Variants in GUCA1C observed in about 807,000 individuals in gnomAD.
The protein encoded by GUCA1C is guanylate cyclase activator 1C, also known as guanylyl cyclase-activating protein 3.
A neutral mutation model predicts 16.2 loss-of-function variants in GUCA1C; 15 were observed. The observed-to-expected ratio is 0.93, with a 90% confidence interval of 0.62 to 1.43. The LOEUF (loss-of-function observed/expected upper bound fraction) is 1.43. Among genes scored for constraint, GUCA1C ranks in the 40% most tolerant of loss-of-function variants. GUCA1C has a pLI of 0.00. For missense variants in GUCA1C, 275 were observed against 244.8 expected (o/e 1.12, Z -0.82); for synonymous variants, 78 against 85.4 (o/e 0.91, Z 0.48).
rs569245636 is a variant in GUCA1C, at chr3:108,937,854, T to G, written c.204+15705A>C. Among the ~76,000 whole-genome samples, 9 of 152,216 alleles carry G rather than the reference T, an allele frequency of 5.9e-5. No individual in the cohort carries two copies. The South Asian group carries it at 1.9e-3, about 32-fold the overall frequency. On this transcript the variant is annotated intron_variant, in intron 1 of 3. Coordinates refer to ENST00000261047, the MANE Select transcript of GUCA1C (RefSeq NM_005459.4). ...TTGGGAGGCCGAGGAGGGTGGATCATGAGGTCAGGAGTTCAAGACCAGCCT... is the reference window on the plus strand; with the variant it reads ...TTGGGAGGCCGAGGAGGGTGGATCAGGAGGTCAGGAGTTCAAGACCAGCCT...
chr3:108,951,076 T>A (rs1240806558), intron 1 of GUCA1C, among the ~76,000 whole-genome samples: 1 of 152,070 alleles, frequency 6.6e-6, no homozygotes, highest in East Asian at 1.9e-4. Context: ...TTGCATGATC[T>A]CATTTACATG....
chr3:108,953,883 C>T, upstream of GUCA1C: 2 of 657,108 alleles, frequency 3.0e-6, no homozygotes, highest in South Asian at 1.8e-5. Context: ...CTACTCTAAA[C>T]CTCTTACAGC....
chr3:108,950,883 C>T (rs1946890066), intron 1 of GUCA1C, among the ~76,000 whole-genome samples: 1 of 152,100 alleles, frequency 6.6e-6, no homozygotes, highest in South Asian at 2.1e-4. Flanking sequence ...TAGGAAACAG[C>T]TCCAGAAACT....
At position 108,913,737 on chromosome 3, in the gene GUCA1C, T is replaced by C. The variant is rs561381198; in HGVS notation, c.442+2390A>G. 2.0e-5 allele frequency among the ~76,000 whole-genome samples: 3 copies of C among 152,252 alleles called. No homozygotes were observed. In the South Asian group the frequency reaches 6.2e-4, roughly 32 times the overall value. ...ATTCATAGGTACTCCAAAGTGTATA[T>C]AGATGTGGATGTGCGTATATTTTTT... On this transcript the variant is annotated intron_variant, in intron 3 of 3. Transcript: ENST00000261047.
chr3:108,927,558 C>T (rs887405346), intron 1 of GUCA1C, among the ~76,000 whole-genome samples: 8 of 150,692 alleles, frequency 5.3e-5, no homozygotes, highest in South Asian at 2.1e-4. Flanking sequence ...TTGCATTTCT[C>T]TAACTGGGTC....
intron 1 of GUCA1C, among the ~76,000 whole-genome samples, chr3:108,933,323 T>C (rs747018160): frequency 7.2e-5 from 11 of 152,152 alleles, no homozygotes; most frequent in Non-Finnish European, 1.5e-4. Context: ...AGCATGCATA[T>C]AAAATATAAA....
intron 1 of GUCA1C, among the ~76,000 whole-genome samples, chr3:108,941,705 TG>T (rs1485322400): frequency 1.3e-5 from 2 of 152,208 alleles, no homozygotes; most frequent in African/African-American, 4.8e-5. Flanking sequence ...GGTGTGGCCC[TG>T]AGGGCCATTT....
At position 108,927,430 on chromosome 3, in the gene GUCA1C, T is replaced by C. The variant is rs1946632698; in HGVS notation, c.205-6845A>G. On this transcript the variant is annotated intron_variant, in intron 1 of 3. Coordinates refer to ENST00000261047, the MANE Select transcript of GUCA1C (RefSeq NM_005459.4). ...TGGAGGTTCTGTTCATTTTTTTTAATTCTTTTTTTTTTTTTTTTGTCTCTG... is the reference window on the plus strand; with the variant it reads ...TGGAGGTTCTGTTCATTTTTTTTAACTCTTTTTTTTTTTTTTTTGTCTCTG... Among the ~76,000 whole-genome samples, 4 of 135,336 alleles carry C rather than the reference T, an allele frequency of 3.0e-5. 1 individual carries two copies. In the South Asian group the frequency reaches 9.4e-4, roughly 32 times the overall value. The allele number at this position is 135,336 out of a possible 152,430, so 88.8% of individuals were successfully genotyped here.
At chr3:108,950,947 A>C (rs893320265) in intron 1 of GUCA1C, among the ~76,000 whole-genome samples, 1 of 152,242 alleles carries the variant, frequency 6.6e-6, no homozygotes, top group South Asian at 2.1e-4. Flanking sequence ...ACTGCTGTTC[A>C]TAATAATGAC....
Position 108,953,849 on chromosome 3 carries a change from A to C in GUCA1C, c.-87T>G. 2.4e-6 allele frequency: 2 copies of C among 847,576 alleles called. No homozygotes were observed. Among genetic ancestry groups the C allele is most frequent in the Non-Finnish European group, 4.0e-6 (2 of 500,084 alleles). The allele number at this position is 847,576 out of a possible 1,614,324, so 52.5% of individuals were successfully genotyped here. A position where few individuals can be genotyped will look rare whatever the true frequency, so the allele number is the denominator to read the frequency against. ...GTCCCTTACTCCTCACTAAAACTGA[A>C]GGCTAACATATGCCCTCAGAAAGCT... On this transcript the variant is annotated 5_prime_UTR_variant, in exon 1 of 4. Coordinates refer to ENST00000261047, the MANE Select transcript of GUCA1C (RefSeq NM_005459.4).
intron 3 of GUCA1C, among the ~76,000 whole-genome samples, chr3:108,915,197 C>G (rs568711622): frequency 1.4e-3 from 212 of 152,316 alleles, no homozygotes; most frequent in Non-Finnish European, 2.2e-3. Context: ...AACATGGGAA[C>G]ATGTGTCTCT....
chr3:108,910,423 G>T (rs530545513), intron 3 of GUCA1C, among the ~76,000 whole-genome samples: 2 of 151,430 alleles, frequency 1.3e-5, no homozygotes, highest in Admixed American at 1.3e-4. Flanking sequence ...GCGTGAACCC[G>T]GGAGGCGGAG....
intron 1 of GUCA1C, among the ~76,000 whole-genome samples, chr3:108,939,310 T>G (rs1196975178): frequency 5.6e-5 from 8 of 142,940 alleles, no homozygotes; most frequent in Non-Finnish European, 1.2e-4. Flanking sequence ...GTTAATATAT[T>G]ACTTGCTTCA....
In GUCA1C at chr3:108,916,145, T is replaced by G; in HGVS notation, c.424A>C (p.Ile142Leu). Residue 142 changes from isoleucine (I) to leucine (L), a missense_variant, in exon 3 of 4, where the codon ATC (isoleucine) becomes CTC (leucine). By Grantham distance (5) the Ile-to-Leu change is conservative. Transcript: ENST00000261047. ...EEFINLVFHK[I>L]DINNDGELTL... ...CCATTACCATCATTGTTTATATCGA[T>G]CTTATGGAACACCAAGTTGATGAAT... is the stretch of plus-strand genomic sequence containing the variant. 6.2e-7 allele frequency: 1 copy of G among 1,612,722 alleles called. No homozygotes were observed. Among genetic ancestry groups the G allele is most frequent in the Non-Finnish European group, 8.5e-7 (1 of 1,178,790 alleles).
intron 1 of GUCA1C, among the ~76,000 whole-genome samples, chr3:108,938,354 G>A (rs1421936227): frequency 2.0e-5 from 3 of 152,134 alleles, no homozygotes; most frequent in Admixed American, 6.5e-5. Context: ...ACCAGCTGTG[G>A]TGAGTTGGTA....
At chr3:108,911,824 G>A (rs1946457205) in intron 3 of GUCA1C, among the ~76,000 whole-genome samples, 1 of 151,892 alleles carries the variant, frequency 6.6e-6, no homozygotes, top group Admixed American at 6.6e-5. Flanking sequence ...CACCCTTTTT[G>A]GCCGGGCATG....
At chr3:108,914,884 T>C (rs952886272) in intron 3 of GUCA1C, among the ~76,000 whole-genome samples, 3 of 152,176 alleles carry the variant, frequency 2.0e-5, no homozygotes, top group Non-Finnish European at 4.4e-5. Flanking sequence ...CTACTCTGGG[T>C]AGTCTGACTC....
intron 1 of GUCA1C, among the ~76,000 whole-genome samples, chr3:108,944,360 AC>A (rs35902221): frequency 0.037 from 5,590 of 152,232 alleles, 205 homozygotes; most frequent in Middle Eastern, 0.12. Context: ...GGAGTGGCCA[AC>A]CCAGAGATTT....
At chr3:108,910,370 C>A (rs139811969) in intron 3 of GUCA1C, among the ~76,000 whole-genome samples, 1 of 151,786 alleles carries the variant, frequency 6.6e-6, no homozygotes, top group Non-Finnish European at 1.5e-5. Context: ...TGGTGGAGGG[C>A]GCCTGTAGTC....
Sources: gnomAD v4.1 joint callset for allele counts (sites outside exome capture counted in the v4.1 genomes callset) on GRCh38, gnomAD v4.1.1 for gene constraint, MANE v1.5 for transcripts, NCBI Gene and HGNC (gene_info 2026-07-23, HGNC 2026-07-21) for gene names.